The following GRAMD2A variants were observed in gnomAD, a reference collection of about 807,000 sequenced individuals.
GRAMD2A encodes GRAM domain-containing protein 2A.
In GRAMD2A, 37 loss-of-function variants were observed where a neutral mutation model predicts 51.1. The observed-to-expected ratio is 0.72, with a 90% CI of 0.56 to 0.95. The LOEUF (loss-of-function observed/expected upper bound fraction) is 0.95, where lower values mean the gene tolerates loss of function less well. Among genes scored for constraint, GRAMD2A ranks in the 40% least tolerant of loss-of-function variants. The pLI, the probability that GRAMD2A is intolerant of heterozygous loss-of-function variation, is 0.00. For missense variants in GRAMD2A, 414 were observed against 426.9 expected, an observed-to-expected ratio of 0.97 and a Z score of 0.27; for synonymous variants, 136 against 157.1, an observed-to-expected ratio of 0.87 and a Z score of 1.01.
At chr15:72,179,311 A>C (rs955827081) in intron 1 of GRAMD2A, among the ~76,000 whole-genome samples, 1 of 152,236 alleles carries the variant, frequency 6.6e-6, no homozygotes, top group African/African-American at 2.4e-5. Flanking sequence ...CAGCCTCTTT[A>C]GAGTGAAAAG....
chr15:72,163,685 T>C lies in GRAMD2A; in HGVS notation c.673A>G (p.Ile225Val). ...SSRSLSLPDN[I>V]PCIPPSSVDS... Reference sequence around the variant, plus strand: ...ACGGATGATGGAGGGATACAAGGGATGTTGTCTGGGAGAGACAGGGACCTG... The same window carrying C: ...ACGGATGATGGAGGGATACAAGGGACGTTGTCTGGGAGAGACAGGGACCTG... The change falls in exon 9 of 12, where the codon ATC becomes GTC. Residue 225 changes from isoleucine (I) to valine (V), a missense_variant. Transcript: ENST00000309731. The C allele has an allele frequency of 1.2e-6, 2 of 1,609,026 alleles. No homozygotes were observed. Among genetic ancestry groups the C allele is most frequent in the East Asian group, 2.2e-5 (1 of 44,838 alleles).
rs185839633 is a variant in GRAMD2A, at chr15:72,177,037, T to A, written c.42-7098A>T. 6.0e-3 allele frequency among the ~76,000 whole-genome samples: 908 copies of A among 151,818 alleles called. 11 individuals are homozygous for A. Among genetic ancestry groups the A allele is most frequent in the Non-Finnish European group, 5.9e-3 (402 of 67,904 alleles). ...TATGCCACCATGCCCAGCTATTTTT[T>A]AAAAAATTTTTTTATAGAGATAAGG... On this transcript the variant is annotated intron_variant, in intron 1 of 11. Transcript: ENST00000309731.
At chr15:72,178,270 T>C (rs1390593983) in intron 1 of GRAMD2A, among the ~76,000 whole-genome samples, 3 of 152,182 alleles carry the variant, frequency 2.0e-5, no homozygotes, top group African/African-American at 7.2e-5. Context: ...CCTTCATCTG[T>C]TTAAGGCCTG....
At chr15:72,173,955 A>AG (rs1454492377) in intron 1 of GRAMD2A, 1 of 150,852 alleles carries the variant, frequency 6.6e-6, no homozygotes, top group African/African-American at 2.4e-5. Flanking sequence ...AAAAAAAAAA[A>AG]AAGCCAACTC....
Position 72,170,221 on chromosome 15 carries a change from T to A in GRAMD2A, c.42-282A>T, listed in dbSNP as rs1281133258. The stretch of plus-strand genomic sequence containing the variant: ...ATCAACCTGTCTACCTCATCTCCAG[T>A]GCCAGGCAGCTCGTAGGCCAGGCTG... On this transcript the variant is annotated intron_variant, in intron 1 of 11. Transcript: ENST00000309731. The surrounding 1 kb of genome is among the most constrained non-coding windows in gnomAD (Gnocchi z 4.5). The A allele has an allele frequency of 3.6e-6, 2 of 561,284 alleles. No individual in the cohort carries two copies. The highest frequency in any genetic ancestry group is 8.5e-5 in the East Asian group (2 of 23,470). The allele number at this position is 561,284 out of a possible 1,614,324, so 34.8% of individuals were successfully genotyped here.
chr15:72,182,876 A>T (rs2081707041), intron 1 of GRAMD2A, among the ~76,000 whole-genome samples: 2 of 152,154 alleles, frequency 1.3e-5, no homozygotes, highest in Admixed American at 1.3e-4. Flanking sequence ...CAACAACGTG[A>T]ATATACTTAA....
In GRAMD2A at chr15:72,179,251, G is replaced by A. The variant is rs191351731; in HGVS notation, c.42-9312C>T. On this transcript the variant is annotated intron_variant, in intron 1 of 11. Transcript: ENST00000309731. ...CCAAGTGACCCTGGCCACAGCCAGC[G>A]GAACCATGGTGTGCTCCAGGCCCAG... Among the ~76,000 whole-genome samples, 147 of 152,354 alleles carry A rather than the reference G, an allele frequency of 9.6e-4. 4 individuals are homozygous for A. Among genetic ancestry groups the A allele is most frequent in the Admixed American group, 8.5e-3 (130 of 15,306 alleles).
chr15:72,162,409 T>G, intron 10 of GRAMD2A, 32 bp from the exon 11 acceptor site: 1 of 1,498,298 alleles, frequency 6.7e-7, no homozygotes, highest in Non-Finnish European at 9.3e-7. Context: ...AGTTAAATAT[T>G]TCTTCCACAG....
At chr15:72,193,456 G>A (rs1042882731) in intron 1 of GRAMD2A, among the ~76,000 whole-genome samples, 2 of 151,636 alleles carry the variant, frequency 1.3e-5, no homozygotes, top group Non-Finnish European at 2.9e-5. Flanking sequence ...GACCTCAGGC[G>A]ATCCACCCGC....
intron 1 of GRAMD2A, among the ~76,000 whole-genome samples, chr15:72,193,996 C>G (rs1175540172): frequency 1.3e-5 from 2 of 152,224 alleles, no homozygotes; most frequent in Non-Finnish European, 2.9e-5. Flanking sequence ...ACAGGAAGCT[C>G]CATTCCCAGG....
In GRAMD2A at chr15:72,166,861, CG is replaced by C; in HGVS notation, c.471+132del. The C allele has an allele frequency of 1.1e-6, 1 of 923,462 alleles. No individual in the cohort carries two copies. The highest frequency in any genetic ancestry group is 1.4e-5 in the South Asian group (1 of 71,720). 57.2% of individuals were successfully genotyped at this position (923,462 alleles called of 1,614,324 possible). A position where few individuals can be genotyped will look rare whatever the true frequency, so the allele number is the denominator to read the frequency against. ...GGAACTTCTCTTCCAGCTTGTTGTA[CG>C]GCCTGAAATACCTACTGGAGAGCTG... On this transcript the variant is annotated intron_variant, in intron 6 of 11. Transcript: ENST00000309731. This position sits in a 1 kb window ranked among gnomAD's most constrained non-coding sequence, Gnocchi z 4.1.
chr15:72,169,789 C>T, intron 2 of GRAMD2A, 58 bp downstream of exon 2: 1 of 1,422,298 alleles, frequency 7.0e-7, no homozygotes, highest in Non-Finnish European at 9.9e-7. Context: ...AGGTCACTTC[C>T]TGAGGGCTTC....
intron 8 of GRAMD2A, among the ~76,000 whole-genome samples, chr15:72,164,607 G>A (rs2081520182): frequency 6.6e-6 from 1 of 152,002 alleles, no homozygotes; most frequent in Non-Finnish European, 1.5e-5. Context: ...GTCTCACTAT[G>A]TTGCCCAGGC....
intron 1 of GRAMD2A, among the ~76,000 whole-genome samples, chr15:72,191,954 A>G (rs2081770861): frequency 6.6e-6 from 1 of 152,270 alleles, no homozygotes; most frequent in Non-Finnish European, 1.5e-5. Context: ...AATGGTACAA[A>G]GACATTTATG....
At chr15:72,182,033 G>A (rs186592958) in intron 1 of GRAMD2A, among the ~76,000 whole-genome samples, 93 of 152,262 alleles carry the variant, frequency 6.1e-4, no homozygotes, top group African/African-American at 2.2e-3. Context: ...ACATGGAAAA[G>A]AATAACATGA....
In GRAMD2A at chr15:72,167,001, C is replaced by G; in HGVS notation, c.464G>C (p.Ser155Thr). Reference sequence around the variant, plus strand: ...TGGGCCCAGTGCACTGACCTTCTGGCTGGTGTTGGTGGTGATGGCCAGTCC... The same window carrying G: ...TGGGCCCAGTGCACTGACCTTCTGGGTGGTGTTGGTGGTGATGGCCAGTCC... ...PNGLAITTNT[S>T]QKYIFVSLLS... Residue 155 changes from serine (S) to threonine (T), a missense_variant, in exon 6 of 12, where the codon AGC (serine) becomes ACC (threonine). Physicochemically the swap from Ser to Thr is moderately conservative, Grantham distance 58. Coordinates refer to ENST00000309731, the MANE Select transcript of GRAMD2A (RefSeq NM_001012642.3). 1 of 1,613,472 alleles carries G rather than the reference C, an allele frequency of 6.2e-7. No individual in the cohort carries two copies. The highest frequency in any genetic ancestry group is 1.1e-5 in the South Asian group (1 of 91,066).
In GRAMD2A at chr15:72,163,597, G is replaced by A; in HGVS notation, c.745+16C>T. The A allele has an allele frequency of 6.3e-7, 1 of 1,593,200 alleles. No individual in the cohort carries two copies. The highest frequency in any genetic ancestry group is 1.8e-5 in the Admixed American group (1 of 54,608). On this transcript the variant is annotated intron_variant, in intron 9 of 11. Transcript: ENST00000309731. ...CTTTGCAAGTAGTTGCCATGGACAAGCCCTCCCGAACTTACCAGACATTGG... is the reference window on the plus strand; with the variant it reads ...CTTTGCAAGTAGTTGCCATGGACAAACCCTCCCGAACTTACCAGACATTGG...
intron 1 of GRAMD2A, among the ~76,000 whole-genome samples, chr15:72,184,939 G>T (rs1028383760): frequency 6.6e-6 from 1 of 152,136 alleles, no homozygotes; most frequent in Admixed American, 6.5e-5. Context: ...TCATATTTGG[G>T]CACCAAAGTA....
chr15:72,171,284 G>GT lies in GRAMD2A; in HGVS notation c.42-1346dup, dbSNP rs76207340. On this transcript the variant is annotated intron_variant, in intron 1 of 11. Transcript: ENST00000309731. ...TTCCATCATGTCACATTTCACAGAG[G>GT]TTTTTTTTTTTCCCTTGATTTTTAA... 5.3e-4 allele frequency among the ~76,000 whole-genome samples: 78 copies of GT among 146,126 alleles called. 1 individual carries two copies. Among genetic ancestry groups the GT allele is most frequent in the Middle Eastern group, 7.1e-3 (2 of 282 alleles).
Sources: gnomAD v4.1 joint callset for allele counts (sites outside exome capture counted in the v4.1 genomes callset) on GRCh38, gnomAD v4.1.1 for gene constraint, Gnocchi (gnomAD v3.1) non-coding constraint, MANE v1.5 for transcripts, NCBI Gene and HGNC (gene_info 2026-07-23, HGNC 2026-07-21) for gene names.